The following FARS2 variants were observed in gnomAD, a reference collection of about 807,000 sequenced individuals.
FARS2 encodes the protein phenylalanine--tRNA ligase, mitochondrial.
A neutral mutation model predicts 46.4 loss-of-function variants in FARS2; 40 were observed. The ratio of observed to expected loss-of-function variants is 0.86; its 90% CI spans 0.67 to 1.12. FARS2 has a LOEUF of 1.12. FARS2 is among the 50% of genes most tolerant of loss of function. FARS2 has a pLI of 0.00. For synonymous variants in FARS2, 234 were observed against 214.9 expected (o/e 1.09, Z -0.78); for missense variants, 513 against 567.9 (o/e 0.90, Z 0.98).
intron 4 of FARS2, among the ~76,000 whole-genome samples, chr6:5,463,769 T>C (rs17140504): frequency 0.11 from 16,337 of 152,140 alleles, 1,615 homozygotes; most frequent in African/African-American, 0.26. Flanking sequence ...TGCATGAAAA[T>C]TGCTTGGTGG....
At chr6:5,539,269 C>T (rs186245822) in intron 4 of FARS2, among the ~76,000 whole-genome samples, 15 of 150,822 alleles carry the variant, frequency 9.9e-5, no homozygotes, top group African/African-American at 3.2e-4. Context: ...TGCAGTGGCA[C>T]GATCTCGGCT....
chr6:5,701,882 C>T (rs893515260), intron 6 of FARS2, among the ~76,000 whole-genome samples: 2 of 152,168 alleles, frequency 1.3e-5, no homozygotes, highest in African/African-American at 4.8e-5. Context: ...CTTTTCATTA[C>T]TCATTTTTAT....
chr6:5,300,004 C>T (rs762208885), intron 1 of FARS2, among the ~76,000 whole-genome samples: 1 of 152,068 alleles, frequency 6.6e-6, no homozygotes, highest in Admixed American at 6.5e-5. Context: ...TATGAGAGCT[C>T]TGTCAGTAGT....
rs145819906 is a variant in FARS2, at chr6:5,342,366, A to G, written c.-21-26184A>G. The stretch of plus-strand genomic sequence containing the variant: ...GGTGCATTTATTTATATTAGTTTCT[A>G]AAAATGAACAGAAATGGTAAAATGT... On this transcript the variant is annotated intron_variant, in intron 1 of 6. Coordinates refer to ENST00000274680, the MANE Select transcript of FARS2 (RefSeq NM_006567.5). Among the ~76,000 whole-genome samples, 1,129 of 152,358 alleles carry G rather than the reference A, an allele frequency of 7.4e-3. 13 individuals are homozygous for G. The highest frequency in any genetic ancestry group is 0.011 in the Admixed American group (171 of 15,304).
At chr6:5,433,374 A>G (rs2127773445) in intron 4 of FARS2, among the ~76,000 whole-genome samples, 1 of 152,308 alleles carries the variant, frequency 6.6e-6, no homozygotes, top group Middle Eastern at 3.4e-3. Context: ...AATTTTTCTA[A>G]TGGCTAGAGC....
intron 5 of FARS2, among the ~76,000 whole-genome samples, chr6:5,596,033 A>G (rs1051859836): frequency 4.6e-5 from 7 of 152,182 alleles, no homozygotes; most frequent in Admixed American, 4.6e-4. Flanking sequence ...AGGGTTTTAA[A>G]TATGTTACCC....
Position 5,511,868 on chromosome 6 carries a change from G to A in FARS2, c.905-33312G>A, listed in dbSNP as rs189792171. On this transcript the variant is annotated intron_variant, in intron 4 of 6. Transcript: ENST00000274680. ...AAATAGAACAGGGACAGGTTCAGGA[G>A]TCTGTTAGAGGATACAAGAAACCTC... Among the ~76,000 whole-genome samples, 138 of 152,274 alleles carry A rather than the reference G, an allele frequency of 9.1e-4. 1 individual carries two copies. The highest frequency in any genetic ancestry group is 1.1e-3 in the Non-Finnish European group (77 of 68,014).
At chr6:5,269,822 A>C (rs1456988979) in intron 1 of FARS2, among the ~76,000 whole-genome samples, 1 of 152,220 alleles carries the variant, frequency 6.6e-6, no homozygotes, top group Non-Finnish European at 1.5e-5. Flanking sequence ...GACTGTTATT[A>C]ACAATAGAAG....
chr6:5,532,848 C>T (rs1317214383), intron 4 of FARS2, among the ~76,000 whole-genome samples: 1 of 151,886 alleles, frequency 6.6e-6, no homozygotes, highest in Non-Finnish European at 1.5e-5. Context: ...TTCCTTGTAG[C>T]AGTTGTTTTG....
At chr6:5,632,184 T>C (rs1776323134) in intron 6 of FARS2, among the ~76,000 whole-genome samples, 1 of 152,082 alleles carries the variant, frequency 6.6e-6, no homozygotes, top group Admixed American at 6.6e-5. Flanking sequence ...TGTGGAAAAA[T>C]AGATCCAAAA....
At chr6:5,763,147 C>T (rs891340941) in intron 6 of FARS2, among the ~76,000 whole-genome samples, 2 of 152,174 alleles carry the variant, frequency 1.3e-5, no homozygotes, top group African/African-American at 4.8e-5. Flanking sequence ...CAGCGTGCTT[C>T]CCTCCGGCTC....
At chr6:5,691,847 T>C (rs1199134950) in intron 6 of FARS2, among the ~76,000 whole-genome samples, 1 of 152,190 alleles carries the variant, frequency 6.6e-6, no homozygotes. Flanking sequence ...CAGTTCGAGC[T>C]TCCTGGCCGC....
At chr6:5,527,882 A>C (rs1444341236) in intron 4 of FARS2, among the ~76,000 whole-genome samples, 1 of 152,230 alleles carries the variant, frequency 6.6e-6, no homozygotes, top group Non-Finnish European at 1.5e-5. Context: ...ACAATACTTA[A>C]TTCTGAGTTC....
In FARS2 at chr6:5,407,043, T is replaced by TTATATATA. The variant is rs201074448; in HGVS notation, c.772+2359_772+2366dup. Among the ~76,000 whole-genome samples the TTATATATA allele has an allele frequency of 2.7e-3, 225 of 83,890 alleles. 9 individuals carry two copies. The highest frequency in any genetic ancestry group is 9.4e-3 in the African/African-American group (193 of 20,588). The allele number at this position is 83,890 out of a possible 152,430, so 55.0% of individuals were successfully genotyped here. ...AATGGGTGAACATGAAGGTGGCAAATTATATATATATATATATATATATAA... is the reference window on the plus strand; with the variant it reads ...AATGGGTGAACATGAAGGTGGCAAATTATATATATATATATATATATATATATATATAA... On this transcript the variant is annotated intron_variant, in intron 3 of 6. Transcript: ENST00000274680.
chr6:5,741,549 C>T (rs1335223350), intron 6 of FARS2, among the ~76,000 whole-genome samples: 1 of 152,226 alleles, frequency 6.6e-6, no homozygotes, highest in Non-Finnish European at 1.5e-5. Context: ...TCCACGGGAC[C>T]ACTCCCATGG....
intron 1 of FARS2, among the ~76,000 whole-genome samples, chr6:5,287,121 A>G (rs758534502): frequency 7.9e-5 from 12 of 152,180 alleles, no homozygotes; most frequent in Non-Finnish European, 1.5e-4. Context: ...GACAAGTTCA[A>G]TTTGGTTTTG....
intron 2 of FARS2, among the ~76,000 whole-genome samples, chr6:5,378,332 C>T (rs1039969560): frequency 2.0e-5 from 3 of 152,158 alleles, no homozygotes; most frequent in Non-Finnish European, 2.9e-5. Context: ...GATTCCTTCC[C>T]GCTGGAGTGA....
At chr6:5,408,165 A>G (rs967647154) in intron 3 of FARS2, among the ~76,000 whole-genome samples, 2 of 152,238 alleles carry the variant, frequency 1.3e-5, no homozygotes, top group African/African-American at 4.8e-5. Flanking sequence ...TCAAAGAGCC[A>G]TGGAGCCTTG....
At position 5,771,385 on chromosome 6, in the gene FARS2, C is replaced by G. The variant is rs1477908693; in HGVS notation, c.1312C>G (p.Gln438Glu). Residue 438 changes from glutamine to glutamate, a missense_variant, in exon 7 of 7, where the codon CAG becomes GAG. By Grantham distance (29) the Gln-to-Glu change is conservative. Coordinates refer to ENST00000274680, the MANE Select transcript of FARS2 (RefSeq NM_006567.5). ...GGTCAGGCACATCCACCAGGCCTTGCAGGAGGCTGCAGTCCAGCTGTTGGG... is the reference window on the plus strand; with the variant it reads ...GGTCAGGCACATCCACCAGGCCTTGGAGGAGGCTGCAGTCCAGCTGTTGGG... ...REVRHIHQAL[Q>E]EAAVQLLGVE... The G allele has an allele frequency of 1.2e-6, 2 of 1,614,120 alleles. No homozygotes were observed. The highest frequency in any genetic ancestry group is 1.7e-6 in the Non-Finnish European group (2 of 1,180,042).
Sources: gnomAD v4.1 joint callset for allele counts (sites outside exome capture counted in the v4.1 genomes callset) on GRCh38, gnomAD v4.1.1 for gene constraint, MANE v1.5 for transcripts, NCBI Gene and HGNC (gene_info 2026-07-23, HGNC 2026-07-21) for gene names.